The following CUBN variants were observed in gnomAD, a reference collection of about 807,000 sequenced individuals.
CUBN encodes the protein 460 kDa receptor.
In CUBN, 282 loss-of-function variants were observed where a neutral mutation model predicts 405.3. The ratio of observed to expected loss-of-function variants is 0.70; its 90% CI spans 0.63 to 0.77. The LOEUF is 0.77. Ranked by LOEUF, CUBN falls within the 30% of genes least tolerant of loss-of-function variation. The pLI, the probability that CUBN is intolerant of heterozygous loss-of-function variation, is 0.00. For missense variants in CUBN, 4,514 were observed against 4,475.2 expected, an observed-to-expected ratio of 1.01 and a Z score of -0.25; for synonymous variants, 1,684 against 1,617.0, an observed-to-expected ratio of 1.04 and a Z score of -0.99.
At chr10:16,942,833 AGGGAAGG>A (rs1842687770) in intron 36 of CUBN, among the ~76,000 whole-genome samples, 1 of 129,576 alleles carries the variant, frequency 7.7e-6, no homozygotes, top group Non-Finnish European at 1.6e-5. Flanking sequence ...GGGAAAAGGA[AGGGAAGG>A]GGGAAGGGGA....
intron 31 of CUBN, among the ~76,000 whole-genome samples, chr10:16,954,912 G>A (rs1036135707): frequency 2.0e-5 from 3 of 152,158 alleles, no homozygotes; most frequent in African/African-American, 7.2e-5. Context: ...GAAAACAGAC[G>A]AGAAATAATG....
intron 16 of CUBN, 113 bp from the exon 17 acceptor site, chr10:17,084,574 C>T: frequency 1.2e-6 from 1 of 844,734 alleles, no homozygotes. Context: ...AAGCACATAT[C>T]CATTTTATTC....
At chr10:17,007,232 G>T (rs938745002) in intron 28 of CUBN, among the ~76,000 whole-genome samples, 1 of 118,888 alleles carries the variant, frequency 8.4e-6, no homozygotes, top group African/African-American at 3.2e-5. Flanking sequence ...GAATTCAGCC[G>T]CTGGACAATG....
At chr10:17,073,954 T>C (rs896195910) in intron 17 of CUBN, among the ~76,000 whole-genome samples, 4 of 152,216 alleles carry the variant, frequency 2.6e-5, no homozygotes, top group African/African-American at 9.6e-5. Flanking sequence ...TGACTAAGGA[T>C]AGCTGTTGTT....
rs1204616433 is a variant in CUBN, at chr10:17,100,018, T to A, written c.1752A>T (p.Glu584Asp). The change falls in exon 14 of 67, where the codon GAA becomes GAT. Residue 584 changes from glutamate to aspartate, a missense_variant. Glu to Asp is a conservative substitution (Grantham distance 45). Around this residue, in one of 5 missense-constraint regions of CUBN, gnomAD observed 1,448 missense variants for 1,388.0 expected, o/e 1.04. Coordinates refer to ENST00000377833, the MANE Select transcript of CUBN (RefSeq NM_001081.4). Reference sequence around the variant, plus strand: ...GTTCACACATACCTGGTTGCTGTGTTTCCCATCTTACTGTAAAGCCTCTCC... The same window carrying A: ...GTTCACACATACCTGGTTGCTGTGTATCCCATCTTACTGTAAAGCCTCTCC... ...RNGRGFTVRW[E>D]TQQPECGGIL... The A allele has an allele frequency of 3.7e-6, 6 of 1,612,554 alleles. No homozygotes were observed. The Admixed American group carries it at 8.3e-5, about 22-fold the overall frequency.
intron 9 of CUBN, among the ~76,000 whole-genome samples, chr10:17,110,263 G>C (rs1167371676): frequency 6.6e-6 from 1 of 152,136 alleles, no homozygotes; most frequent in Non-Finnish European, 1.5e-5. Context: ...TAGTAAACTT[G>C]GTATATGCAA....
chr10:17,071,726 T>C (rs1835744461), intron 18 of CUBN, 101 bp downstream of exon 18: 1 of 1,493,614 alleles, frequency 6.7e-7, no homozygotes, highest in Non-Finnish European at 9.3e-7. Context: ...GAGAATATTT[T>C]CCACTTAACA....
chr10:17,035,984 C>T (rs1008451950), intron 27 of CUBN, among the ~76,000 whole-genome samples: 2 of 151,830 alleles, frequency 1.3e-5, no homozygotes, highest in African/African-American at 4.8e-5. Context: ...GTACTACTAT[C>T]AGGGTAGTGC....
rs554326172 is a variant in CUBN, at chr10:17,049,990, T to G, written c.3140-2387A>C. Among the ~76,000 whole-genome samples the G allele has an allele frequency of 2.5e-4, 38 of 152,296 alleles. 1 individual carries two copies. The South Asian group carries it at 7.9e-3, about 32-fold the overall frequency. On this transcript the variant is annotated intron_variant, in intron 22 of 66. Transcript: ENST00000377833. ...CTGGCCCAGATGAGGTCCCAGTAAGTAGTTGTTGAAATATTATTACATGAT... is the reference window on the plus strand; with the variant it reads ...CTGGCCCAGATGAGGTCCCAGTAAGGAGTTGTTGAAATATTATTACATGAT...
In CUBN at chr10:16,869,839, T is replaced by G; in HGVS notation, c.9251A>C (p.Asp3084Ala). 6.2e-7 allele frequency: 1 copy of G among 1,610,846 alleles called. No individual in the cohort carries two copies. The highest frequency in any genetic ancestry group is 8.5e-7 in the Non-Finnish European group (1 of 1,177,036). Residue 3084 changes from aspartate (D) to alanine (A), a missense_variant, in exon 59 of 67, where the codon GAT becomes GCT. By Grantham distance (126) the Asp-to-Ala change is moderately radical. Transcript: ENST00000377833. ...KVIELKFSDF[D>A]VVPSTSCSHD... ...GGAGCAGGAGGTGGAGGGAACCACA[T>G]CAAAATCACTGAACCTGTGAAATGT...
chr10:17,045,082 G>T lies in CUBN; in HGVS notation c.3597C>A (p.His1199Gln), dbSNP rs763596986. The part of the protein sequence containing the change: ...SECYWWLKSS[H>Q]GSAFELEFKD... ...TGAATTCCAGTTCAAATGCGCTGCC[G>T]TGGCTAGATTTCAACCACCAGTAGC... The change falls in exon 25 of 67, where the codon CAC (histidine) becomes CAA (glutamine). Residue 1199 changes from histidine (H) to glutamine (Q), a missense_variant. By Grantham distance (24) the His-to-Gln change is conservative. Around this residue, in one of 5 missense-constraint regions of CUBN, gnomAD observed 242 missense variants for 309.0 expected, o/e 0.78. Transcript: ENST00000377833. The T allele has an allele frequency of 1.2e-6, 2 of 1,614,076 alleles. No homozygotes were observed. Among genetic ancestry groups the T allele is most frequent in the South Asian group, 1.1e-5 (1 of 91,078 alleles).
chr10:17,129,088 C>T lies in CUBN; in HGVS notation c.252+33G>A, dbSNP rs760437162. On this transcript the variant is annotated intron_variant, in intron 2 of 66. Transcript: ENST00000377833. ...AATTAAGTCACCGTATATGGATATACAAAATGACTTCAATATATTTCCAGT... is the reference window on the plus strand; with the variant it reads ...AATTAAGTCACCGTATATGGATATATAAAATGACTTCAATATATTTCCAGT... 20 of 1,572,716 alleles carry T rather than the reference C, an allele frequency of 1.3e-5. No homozygotes were observed. In the East Asian group the frequency reaches 4.5e-4, roughly 35 times the overall value.
At chr10:16,975,624 C>CTTTTTT (rs199779818) in intron 31 of CUBN, among the ~76,000 whole-genome samples, 16 of 124,348 alleles carry the variant, frequency 1.3e-4, no homozygotes, top group South Asian at 8.2e-4. Flanking sequence ...TAAAGACCTT[C>CTTTTTT]TTTTTTTTTT....
At chr10:16,902,302 A>G (rs2131425801) in intron 51 of CUBN, among the ~76,000 whole-genome samples, 1 of 141,326 alleles carries the variant, frequency 7.1e-6, no homozygotes. Flanking sequence ...ATATTTGTGT[A>G]TATATAGTAT....
intron 10 of CUBN, among the ~76,000 whole-genome samples, chr10:17,107,450 A>G (rs1836660396): frequency 6.6e-6 from 1 of 151,848 alleles, no homozygotes; most frequent in African/African-American, 2.4e-5. Flanking sequence ...AAATTACACA[A>G]TGTGACAGAT....
chr10:16,874,840 G>A (rs1190208076), intron 57 of CUBN, among the ~76,000 whole-genome samples: 1 of 152,146 alleles, frequency 6.6e-6, no homozygotes, highest in East Asian at 1.9e-4. Flanking sequence ...GACAGGTTGA[G>A]AGAGGGATGA....
intron 13 of CUBN, 102 bp downstream of exon 13, chr10:17,103,023 T>C (rs548694057): frequency 8.9e-6 from 7 of 785,056 alleles, no homozygotes; most frequent in South Asian, 4.4e-5. Flanking sequence ...TATATGATAG[T>C]TGAATTATCA....
intron 59 of CUBN, among the ~76,000 whole-genome samples, chr10:16,864,916 C>G (rs963224152): frequency 1.4e-5 from 2 of 138,616 alleles, no homozygotes; most frequent in Non-Finnish European, 3.0e-5. Flanking sequence ...TCCCAAAGTG[C>G]TGAGATTACA....
At chr10:16,883,742 C>G (rs760648112) in intron 56 of CUBN, among the ~76,000 whole-genome samples, 1 of 152,146 alleles carries the variant, frequency 6.6e-6, no homozygotes, top group Non-Finnish European at 1.5e-5. Flanking sequence ...CCTGTTGGGG[C>G]TTTGAAGCCA....
Sources: allele counts gnomAD v4.1 joint callset (sites outside exome capture counted in the v4.1 genomes callset), GRCh38; gene constraint gnomAD v4.1.1; regional missense constraint gnomAD v4.1.1; transcripts MANE v1.5; gene names NCBI Gene and HGNC (gene_info 2026-07-23, HGNC 2026-07-21).